ARHGAP40: variants seen among roughly 807,000 people sequenced by gnomAD.
The protein encoded by ARHGAP40 is Rho GTPase activating protein 40.
Under a neutral mutation model 73.5 loss-of-function variants are expected in ARHGAP40, and 43 were observed. The observed-to-expected ratio is 0.58, with a 90% CI of 0.46 to 0.75. ARHGAP40 has a LOEUF of 0.75. Ranked by LOEUF, ARHGAP40 falls within the 30% of genes least tolerant of loss-of-function variation. ARHGAP40 has a pLI of 0.00. For missense variants in ARHGAP40, 734 were observed against 861.8 expected (o/e 0.85, Z 1.86); for synonymous variants, 300 against 352.8 (o/e 0.85, Z 1.68).
Position 38,641,719 on chromosome 20 carries a change from C to T in ARHGAP40, c.1280-7C>T. 1 of 1,296,160 alleles carries T rather than the reference C, an allele frequency of 7.7e-7. No individual in the cohort carries two copies. Among genetic ancestry groups the T allele is most frequent in the Non-Finnish European group, 1.0e-6 (1 of 985,298 alleles). The allele number at this position is 1,296,160 out of a possible 1,614,324, so 80.3% of individuals were successfully genotyped here. On this transcript the variant is annotated splice_polypyrimidine_tract_variant and splice_region_variant and intron_variant, in intron 9 of 14. Transcript: ENST00000373345. Reference sequence around the variant, plus strand: ...CCATGGAGACTGAGGTCCCTCCCTTCCCGCAGACATCCCCAACCTGAAGCA... The same window carrying T: ...CCATGGAGACTGAGGTCCCTCCCTTTCCGCAGACATCCCCAACCTGAAGCA...
intron 1 of ARHGAP40, among the ~76,000 whole-genome samples, chr20:38,612,309 G>T (rs1309824832): frequency 3.9e-5 from 6 of 152,158 alleles, no homozygotes; most frequent in African/African-American, 1.4e-4. Context: ...TACCCAAGTT[G>T]TTCTAAACAT....
exon 15 of ARHGAP40, chr20:38,649,784 A>G (rs1231819958): frequency 2.3e-6 from 3 of 1,304,876 alleles, no homozygotes; most frequent in Non-Finnish European, 3.0e-6. Context: ...CCAGATGCCT[A>G]CCTCTTAGAT....
At chr20:38,633,439 A>G (rs2088954004) in intron 5 of ARHGAP40, among the ~76,000 whole-genome samples, 1 of 152,230 alleles carries the variant, frequency 6.6e-6, no homozygotes, top group South Asian at 2.1e-4. Context: ...TTGAGTACTC[A>G]CTATGTGTCG....
intron 9 of ARHGAP40, 86 bp downstream of exon 9, chr20:38,639,472 G>A: frequency 2.4e-6 from 3 of 1,242,344 alleles, no homozygotes; most frequent in Non-Finnish European, 2.1e-6. Context: ...TGCAAAGGCA[G>A]GACTCCGTGT....
chr20:38,622,864 G>A (rs929646613), intron 1 of ARHGAP40, among the ~76,000 whole-genome samples: 2 of 152,156 alleles, frequency 1.3e-5, no homozygotes, highest in Admixed American at 1.3e-4. Context: ...TACCTGCTCT[G>A]TTCAAAGCTG....
At chr20:38,621,931 T>C (rs916577920) in intron 1 of ARHGAP40, among the ~76,000 whole-genome samples, 2 of 152,066 alleles carry the variant, frequency 1.3e-5, no homozygotes, top group Admixed American at 1.3e-4. Context: ...CATGTGTGCC[T>C]GTAGTCCCAG....
chr20:38,610,945 A>G (rs1349923631), intron 1 of ARHGAP40, among the ~76,000 whole-genome samples: 1 of 141,998 alleles, frequency 7.0e-6, no homozygotes, highest in Non-Finnish European at 1.5e-5. Flanking sequence ...GCTGGAGTGC[A>G]GTGGCAAAAT....
intron 6 of ARHGAP40, among the ~76,000 whole-genome samples, chr20:38,636,263 TA>T (rs767301163): frequency 1.8e-4 from 28 of 151,364 alleles, no homozygotes; most frequent in East Asian, 5.8e-4. Context: ...TTTATTTATT[TA>T]TTTTTTTTTT....
intron 1 of ARHGAP40, among the ~76,000 whole-genome samples, chr20:38,607,463 C>G (rs980661438): frequency 6.6e-6 from 1 of 152,196 alleles, no homozygotes; most frequent in Non-Finnish European, 1.5e-5. Flanking sequence ...TCCTCCAGGG[C>G]TCTCCAGCAG....
At chr20:38,631,528 A>T (rs988549541) in intron 5 of ARHGAP40, among the ~76,000 whole-genome samples, 17 of 152,112 alleles carry the variant, frequency 1.1e-4, no homozygotes, top group African/African-American at 4.1e-4. Flanking sequence ...CGTGAGACTT[A>T]TTCACTATCA....
At position 38,641,722 on chromosome 20, in the gene ARHGAP40, G is replaced by A. The variant is rs765423277; in HGVS notation, c.1280-4G>A. The A allele has an allele frequency of 7.7e-6, 10 of 1,294,576 alleles. No individual in the cohort carries two copies. The highest frequency in any genetic ancestry group is 3.8e-5 in the South Asian group (3 of 78,930). The allele number at this position is 1,294,576 out of a possible 1,614,324, so 80.2% of individuals were successfully genotyped here. On this transcript the variant is annotated splice_polypyrimidine_tract_variant and splice_region_variant and intron_variant, in intron 9 of 14. Transcript: ENST00000373345. ...TGGAGACTGAGGTCCCTCCCTTCCC[G>A]CAGACATCCCCAACCTGAAGCAGCG...
At chr20:38,627,479 G>A (rs2088906744) in intron 3 of ARHGAP40, among the ~76,000 whole-genome samples, 1 of 149,692 alleles carries the variant, frequency 6.7e-6, no homozygotes, top group Non-Finnish European at 1.5e-5. Flanking sequence ...TGGGGTGTGT[G>A]TATGTTGGTG....
chr20:38,623,605 T>C (rs1423847105), intron 2 of ARHGAP40, 47 bp downstream of exon 2: 1 of 1,231,468 alleles, frequency 8.1e-7, no homozygotes, highest in Admixed American at 2.8e-5. Flanking sequence ...GAGGGCTTGA[T>C]TCCAGGCAGA....
In ARHGAP40 at chr20:38,623,357, A is replaced by G; in HGVS notation, c.138-2A>G. 7.8e-7 allele frequency: 1 copy of G among 1,286,992 alleles called. No individual in the cohort carries two copies. Among genetic ancestry groups the G allele is most frequent in the Non-Finnish European group, 1.0e-6 (1 of 986,752 alleles). The allele number at this position is 1,286,992 out of a possible 1,614,324, so 79.7% of individuals were successfully genotyped here. A position where few individuals can be genotyped will look rare whatever the true frequency, so the allele number is the denominator to read the frequency against. ...TCCCTGCACCTTCCCCACTTGCTAC[A>G]GCTCTGGCCCCTCCTCAGGCCGAAT... On this transcript the variant is annotated splice_acceptor_variant, in intron 1 of 14. Transcript: ENST00000373345. LOFTEE classifies it high-confidence loss of function.
chr20:38,639,295 T>C, exon 9 of ARHGAP40: 1 of 1,305,480 alleles, frequency 7.7e-7, no homozygotes, highest in Non-Finnish European at 1.0e-6. Flanking sequence ...TTCATCACAA[T>C]GACGCCTCTG....
rs183945361 is a variant in ARHGAP40, at chr20:38,612,672, A to G, written c.137+10593A>G. On this transcript the variant is annotated intron_variant, in intron 1 of 14. Coordinates refer to ENST00000373345, the Ensembl canonical transcript of ARHGAP40. ...GCGAAAGAGTGGGATTCTGTCTGAA[A>G]ATGAAAGAAAAGAAAAGAAAAGAGA... Among the ~76,000 whole-genome samples the G allele has an allele frequency of 3.3e-5, 5 of 152,230 alleles. No individual in the cohort carries two copies. In the East Asian group the frequency reaches 7.7e-4, roughly 23 times the overall value.
intron 5 of ARHGAP40, among the ~76,000 whole-genome samples, chr20:38,633,000 A>G (rs2088951144): frequency 6.6e-6 from 1 of 152,098 alleles, no homozygotes. Flanking sequence ...GTACACAACT[A>G]TAATCCCAGC....
chr20:38,612,584 C>T (rs1327898201), intron 1 of ARHGAP40, among the ~76,000 whole-genome samples: 1 of 152,052 alleles, frequency 6.6e-6, no homozygotes, highest in East Asian at 1.9e-4. Flanking sequence ...GCAGAAGAAT[C>T]GCTTAAACCC....
At chr20:38,639,512 A>G (rs2089000801) in intron 9 of ARHGAP40, 126 bp downstream of exon 9, 2 of 1,109,154 alleles carry the variant, frequency 1.8e-6, no homozygotes, top group African/African-American at 1.6e-5. Context: ...AGAAATGTCC[A>G]ACTGATGGGG....
Sources: allele counts gnomAD v4.1 joint callset (sites outside exome capture counted in the v4.1 genomes callset), GRCh38; gene constraint gnomAD v4.1.1; transcripts MANE v1.5; gene names NCBI Gene and HGNC (gene_info 2026-07-23, HGNC 2026-07-21).